Variants in GRID2 observed in about 807,000 individuals in gnomAD.
The protein encoded by GRID2 is glutamate receptor ionotropic, delta-2.
In GRID2, 33 loss-of-function variants were observed where a neutral mutation model predicts 114.8. The observed-to-expected ratio is 0.29, with a 90% CI of 0.22 to 0.38. The LOEUF is 0.38. Among genes scored for constraint, GRID2 ranks in the 10% least tolerant of loss-of-function variants. The pLI is 1.00. For missense variants in GRID2, 1,184 were observed against 1,257.7 expected, an observed-to-expected ratio of 0.94 and a Z score of 0.89; for synonymous variants, 505 against 449.9, an observed-to-expected ratio of 1.12 and a Z score of -1.55.
In GRID2 at chr4:93,012,211, T is replaced by C. The variant is rs535990563; in HGVS notation, c.245-72784T>C. ...CCAATTTTTTCATTCTAGATGAAGG[T>C]AAACCAATTGGAACACCACTTATTT... is the stretch of plus-strand genomic sequence containing the variant. On this transcript the variant is annotated intron_variant, in intron 2 of 15. Coordinates refer to ENST00000282020, the MANE Select transcript of GRID2 (RefSeq NM_001510.4). 2.0e-5 allele frequency among the ~76,000 whole-genome samples: 3 copies of C among 152,140 alleles called. No homozygotes were observed. In the South Asian group the frequency reaches 6.2e-4, roughly 32 times the overall value.
chr4:92,892,064 G>C (rs200630621), intron 2 of GRID2, among the ~76,000 whole-genome samples: 2 of 145,910 alleles, frequency 1.4e-5, no homozygotes, highest in African/African-American at 5.0e-5. Flanking sequence ...TTTTTTTTTT[G>C]TTTTTGTTTT....
At chr4:93,665,588 T>C (rs1723877810) in intron 14 of GRID2, among the ~76,000 whole-genome samples, 2 of 152,210 alleles carry the variant, frequency 1.3e-5, no homozygotes, top group South Asian at 4.1e-4. Context: ...ATTTTGTTTG[T>C]ACACTTCGCA....
intron 12 of GRID2, among the ~76,000 whole-genome samples, chr4:93,494,836 C>T (rs1034233299): frequency 6.6e-6 from 1 of 151,664 alleles, no homozygotes; most frequent in African/African-American, 2.4e-5. Flanking sequence ...GATAACTAGA[C>T]TAATAGTGGC....
At chr4:93,539,735 A>T (rs1732463883) in intron 13 of GRID2, among the ~76,000 whole-genome samples, 1 of 152,028 alleles carries the variant, frequency 6.6e-6, no homozygotes. Context: ...TTCCTTCAGA[A>T]GTTTGAATGC....
intron 8 of GRID2, among the ~76,000 whole-genome samples, chr4:93,307,751 C>G (rs563787517): frequency 2.2e-4 from 33 of 152,222 alleles, no homozygotes; most frequent in African/African-American, 7.7e-4. Flanking sequence ...TATTTCATAA[C>G]TTATTATTAA....
Position 92,697,265 on chromosome 4 carries a change from A to G in GRID2, c.244+106979A>G, listed in dbSNP as rs552668120. On this transcript the variant is annotated intron_variant, in intron 2 of 15. Coordinates refer to ENST00000282020, the MANE Select transcript of GRID2 (RefSeq NM_001510.4). ...GCTTTTTGGAGTAGGTGGAGTTTGC[A>G]AAACCCCTTACATAACAGAGGAAAT... 2.6e-5 allele frequency among the ~76,000 whole-genome samples: 4 copies of G among 152,248 alleles called. No individual in the cohort carries two copies. The South Asian group carries it at 8.3e-4, about 32-fold the overall frequency.
At chr4:93,476,705 T>A (rs1181571144) in intron 11 of GRID2, among the ~76,000 whole-genome samples, 1 of 152,104 alleles carries the variant, frequency 6.6e-6, no homozygotes, top group Non-Finnish European at 1.5e-5. Context: ...GTGTGTGGTT[T>A]TGACAAAATG....
At chr4:93,565,500 A>G (rs914733214) in intron 13 of GRID2, among the ~76,000 whole-genome samples, 2 of 152,224 alleles carry the variant, frequency 1.3e-5, no homozygotes, top group Admixed American at 6.5e-5. Context: ...GCAGGAGAAT[A>G]TAATCAATCT....
In GRID2 at chr4:92,329,993, AAGAG is replaced by A. The variant is rs3076580; in HGVS notation, c.88+25279_88+25282del. Among the ~76,000 whole-genome samples, 294 of 132,574 alleles carry A rather than the reference AAGAG, an allele frequency of 2.2e-3. 1 individual carries two copies. Among genetic ancestry groups the A allele is most frequent in the African/African-American group, 5.1e-3 (175 of 34,394 alleles). The allele number at this position is 132,574 out of a possible 152,430, so 87.0% of individuals were successfully genotyped here. On this transcript the variant is annotated intron_variant, in intron 1 of 15. Transcript: ENST00000282020. ...AAAAAGGAAGAGGAGTATGGGAGGA[AAGAG>A]AGAGAGAGAGAGAGAGAGAGAGAGA...
rs1745553225 is a variant in GRID2, at chr4:93,226,967, C to A, written c.1125+2192C>A. ...GGGTCCACTTGAGCCACAACTAGGG[C>A]AGGTGAAGAATGTTACACTGGAATA... On this transcript the variant is annotated intron_variant, in intron 7 of 15. Coordinates refer to ENST00000282020, the MANE Select transcript of GRID2 (RefSeq NM_001510.4). Among the ~76,000 whole-genome samples, 8 of 152,238 alleles carry A rather than the reference C, an allele frequency of 5.3e-5. 1 individual carries two copies. The South Asian group carries it at 1.7e-3, about 32-fold the overall frequency.
At chr4:92,771,917 A>G (rs1258509299) in intron 2 of GRID2, among the ~76,000 whole-genome samples, 5 of 152,228 alleles carry the variant, frequency 3.3e-5, no homozygotes, top group African/African-American at 1.2e-4. Context: ...TCCAAAAACC[A>G]CAAGGATCAG....
At chr4:92,846,981 A>G (rs1385635631) in intron 2 of GRID2, among the ~76,000 whole-genome samples, 1 of 152,128 alleles carries the variant, frequency 6.6e-6, no homozygotes, top group Non-Finnish European at 1.5e-5. Flanking sequence ...TTAACACAAT[A>G]GAGCCTCCCA....
intron 8 of GRID2, 74 bp from the exon 9 acceptor site, chr4:93,395,533 T>G (rs1765244349): frequency 1.4e-6 from 1 of 710,698 alleles, no homozygotes. Context: ...CACATAGTTC[T>G]CCATAAAGAC....
intron 2 of GRID2, among the ~76,000 whole-genome samples, chr4:92,648,409 T>C (rs1276277063): frequency 1.3e-5 from 2 of 149,446 alleles, no homozygotes. Flanking sequence ...TTGGAATATT[T>C]TGTCACCTCT....
At chr4:93,214,240 C>G (rs1433763744) in intron 5 of GRID2, among the ~76,000 whole-genome samples, 1 of 151,864 alleles carries the variant, frequency 6.6e-6, no homozygotes. Context: ...ACAGTTTAAA[C>G]ATTTTTTAAA....
intron 3 of GRID2, among the ~76,000 whole-genome samples, chr4:93,087,331 T>A (rs1253479007): frequency 6.6e-6 from 1 of 152,080 alleles, no homozygotes; most frequent in Non-Finnish European, 1.5e-5. Context: ...GAAAAGGAAC[T>A]TTTGATTAAG....
At chr4:92,680,305 C>G (rs535283353) in intron 2 of GRID2, among the ~76,000 whole-genome samples, 61 of 152,194 alleles carry the variant, frequency 4.0e-4, no homozygotes, top group African/African-American at 1.3e-3. Context: ...AACCTAACAA[C>G]TTAATTTTAC....
chr4:92,964,982 A>G, intron 2 of GRID2, among the ~76,000 whole-genome samples: 1 of 151,982 alleles, frequency 6.6e-6, no homozygotes, highest in East Asian at 1.9e-4. Flanking sequence ...TCGATGCAAG[A>G]GGCCTAGCTT....
intron 2 of GRID2, among the ~76,000 whole-genome samples, chr4:92,677,853 G>C (rs2149281641): frequency 6.6e-6 from 1 of 152,032 alleles, no homozygotes; most frequent in Non-Finnish European, 1.5e-5. Context: ...TTGGTGAAAG[G>C]CTATTTTCCC....
Sources: gnomAD v4.1 joint callset for allele counts (sites outside exome capture counted in the v4.1 genomes callset) on GRCh38, gnomAD v4.1.1 for gene constraint, MANE v1.5 for transcripts, NCBI Gene and HGNC (gene_info 2026-07-23, HGNC 2026-07-21) for gene names.